Variants in HSF5 observed in about 807,000 individuals in gnomAD.
HSF5 encodes heat shock factor protein 5.
A neutral mutation model predicts 50.8 loss-of-function variants in HSF5; 5 were observed. The observed-to-expected ratio is 0.10, with a 90% confidence interval of 0.05 to 0.21. The LOEUF is 0.21. Ranked by LOEUF, HSF5 falls within the 10% of genes least tolerant of loss-of-function variation. The pLI, the probability that HSF5 is intolerant of heterozygous loss-of-function variation, is 1.00. For synonymous variants in HSF5, 307 were observed against 307.4 expected (o/e 1.00, Z 0.02); for missense variants, 564 against 762.6 (o/e 0.74, Z 3.07).
intron 3 of HSF5, among the ~76,000 whole-genome samples, chr17:58,463,522 T>C (rs1362708615): frequency 2.0e-5 from 3 of 152,214 alleles, no homozygotes; most frequent in African/African-American, 7.2e-5. Context: ...CTCTGCTAAG[T>C]TTAATACTCC....
At chr17:58,478,243 C>A (rs1225515728) in intron 2 of HSF5, among the ~76,000 whole-genome samples, 2 of 149,126 alleles carry the variant, frequency 1.3e-5, no homozygotes, top group Non-Finnish European at 3.0e-5. Flanking sequence ...ACCAGCTTGG[C>A]CAACATGGTG....
At chr17:58,486,683 G>C (rs781400511) in intron 1 of HSF5, among the ~76,000 whole-genome samples, 6 of 152,088 alleles carry the variant, frequency 3.9e-5, no homozygotes, top group Admixed American at 6.5e-5. Flanking sequence ...TGTAAGCCAC[G>C]ATGTATCGTT....
intron 5 of HSF5, among the ~76,000 whole-genome samples, chr17:58,452,216 C>T (rs1974650759): frequency 2.0e-5 from 3 of 151,692 alleles, no homozygotes; most frequent in South Asian, 4.2e-4. Context: ...TGCCACTGTA[C>T]TACAGCTTCG....
At chr17:58,431,436 G>T (rs967169272) in intron 5 of HSF5, among the ~76,000 whole-genome samples, 3 of 151,990 alleles carry the variant, frequency 2.0e-5, no homozygotes, top group African/African-American at 7.3e-5. Flanking sequence ...AATCTTACGG[G>T]ACCACTGTTC....
At chr17:58,429,842 T>TAAAAA (rs60957147) in intron 5 of HSF5, among the ~76,000 whole-genome samples, 1 of 133,676 alleles carries the variant, frequency 7.5e-6, no homozygotes, top group Non-Finnish European at 1.6e-5. Context: ...CAAGACTCTG[T>TAAAAA]AAAAAAAAAA....
chr17:58,429,116 T>C (rs1974332745), intron 5 of HSF5, among the ~76,000 whole-genome samples: 1 of 152,196 alleles, frequency 6.6e-6, no homozygotes, highest in African/African-American at 2.4e-5. Context: ...TAGAAAACAT[T>C]ATGCTTAGTA....
chr17:58,437,483 C>A (rs571177590), intron 5 of HSF5, among the ~76,000 whole-genome samples: 1 of 151,980 alleles, frequency 6.6e-6, no homozygotes, highest in Non-Finnish European at 1.5e-5. Flanking sequence ...GAAAATTTCC[C>A]GTAATCCTAT....
chr17:58,471,884 T>C (rs896010210), intron 2 of HSF5, among the ~76,000 whole-genome samples: 1 of 152,168 alleles, frequency 6.6e-6, no homozygotes, highest in Non-Finnish European at 1.5e-5. Flanking sequence ...GACAGGGTCT[T>C]GATCTGTTGC....
rs1162832328 is a variant in HSF5, at chr17:58,462,885, G to A, written c.1439C>T (p.Ala480Val). 3.1e-6 allele frequency: 5 copies of A among 1,614,126 alleles called. No individual in the cohort carries two copies. Among genetic ancestry groups the A allele is most frequent in the Non-Finnish European group, 4.2e-6 (5 of 1,179,984 alleles). The change falls in exon 4 of 6, where the codon GCC becomes GTC. Residue 480 changes from alanine (A) to valine (V), a missense_variant. Physicochemically the swap from Ala to Val is moderately conservative, Grantham distance 64 (BLOSUM62 0). Transcript: ENST00000323777. ...VENSTIQESAAIQQAHVKLKE... is the reference protein window; with the variant it reads ...VENSTIQESAVIQQAHVKLKE... ...CAGTTTGACATGAGCTTGCTGGATG[G>A]CTGCAGATTCCTGTATTGTGCTATT... is the stretch of plus-strand genomic sequence containing the variant.
Position 58,422,367 on chromosome 17 carries a change from T to C in HSF5, c.1784A>G (p.Lys595Arg), listed in dbSNP as rs531094709. 1.2e-6 allele frequency: 2 copies of C among 1,613,408 alleles called. No homozygotes were observed. Among genetic ancestry groups the C allele is most frequent in the Admixed American group, 3.3e-5 (2 of 59,994 alleles). The stretch of plus-strand genomic sequence containing the variant: ...ACATTTGTCATCCATTCCTCACTCT[T>C]TTAATTCTTCCTCCTTTGGAAAGCG... ...QERFPKEEELKE is the reference protein window; with the variant it reads ...QERFPKEEELRE The change falls in exon 6 of 6, where the codon AAA becomes AGA. Residue 595 changes from lysine to arginine, a missense_variant. By Grantham distance (26) the Lys-to-Arg change is conservative. Around this residue, in one of 5 missense-constraint regions of HSF5, gnomAD observed 441 missense variants for 533.6 expected, o/e 0.83. Coordinates refer to ENST00000323777, the MANE Select transcript of HSF5 (RefSeq NM_001080439.3).
chr17:58,465,502 G>A (rs1974853065), intron 3 of HSF5, among the ~76,000 whole-genome samples: 1 of 151,966 alleles, frequency 6.6e-6, no homozygotes, highest in South Asian at 2.1e-4. Flanking sequence ...GAAGATGAAT[G>A]GGCTAGGATA....
At chr17:58,446,072 G>T (rs1331228353) in intron 5 of HSF5, among the ~76,000 whole-genome samples, 1 of 151,416 alleles carries the variant, frequency 6.6e-6, no homozygotes, top group East Asian at 1.9e-4. Context: ...AGGAGGCAGA[G>T]GTTGCAGTGA....
At chr17:58,466,379 G>A (rs910336026) in intron 3 of HSF5, among the ~76,000 whole-genome samples, 6 of 152,016 alleles carry the variant, frequency 3.9e-5, no homozygotes, top group African/African-American at 1.4e-4. Context: ...GCGTTTATCT[G>A]GTATTCATTT....
intron 5 of HSF5, among the ~76,000 whole-genome samples, chr17:58,434,762 G>A (rs1974405377): frequency 6.6e-6 from 1 of 152,188 alleles, no homozygotes; most frequent in African/African-American, 2.4e-5. Context: ...GCTGAGATGG[G>A]AGGATTGCTT....
chr17:58,422,764 C>G (rs528742257), intron 5 of HSF5, among the ~76,000 whole-genome samples: 2 of 149,876 alleles, frequency 1.3e-5, no homozygotes, highest in Non-Finnish European at 3.0e-5. Flanking sequence ...GGCACAATCT[C>G]GGCTCGCTGC....
intron 4 of HSF5, 36 bp downstream of exon 4, chr17:58,462,746 T>C: frequency 6.5e-7 from 1 of 1,546,240 alleles, no homozygotes; most frequent in Non-Finnish European, 8.7e-7. Flanking sequence ...CTAGGTACTT[T>C]GAGCTTTATA....
chr17:58,469,315 C>T (rs1238565759), intron 2 of HSF5, among the ~76,000 whole-genome samples: 1 of 152,046 alleles, frequency 6.6e-6, no homozygotes, highest in Non-Finnish European at 1.5e-5. Flanking sequence ...TAAAAATGTA[C>T]TTTAAAATAA....
At chr17:58,427,107 AC>A (rs1974306426) in intron 5 of HSF5, among the ~76,000 whole-genome samples, 1 of 152,034 alleles carries the variant, frequency 6.6e-6, no homozygotes, top group Non-Finnish European at 1.5e-5. Context: ...AAAAATAAAT[AC>A]AAAAATAAAT....
intron 5 of HSF5, among the ~76,000 whole-genome samples, chr17:58,443,187 T>G (rs1054762432): frequency 6.6e-6 from 1 of 152,048 alleles, no homozygotes; most frequent in African/African-American, 2.4e-5. Context: ...TTTTGTATTT[T>G]TTAGTAGAGA....
Sources: gnomAD v4.1 joint callset for allele counts (sites outside exome capture counted in the v4.1 genomes callset) on GRCh38, gnomAD v4.1.1 for gene constraint, gnomAD v4.1.1 regional missense constraint, MANE v1.5 for transcripts, NCBI Gene and HGNC (gene_info 2026-07-23, HGNC 2026-07-21) for gene names.